Variants in MORN3 observed in about 807,000 individuals in gnomAD.
The protein encoded by MORN3 is MORN repeat-containing protein 3.
MORN3 carries 38 observed loss-of-function variants against 34.7 expected under a neutral mutation model. The observed-to-expected ratio is 1.10, with a 90% confidence interval of 0.85 to 1.44. MORN3 has a LOEUF of 1.44. MORN3 is among the 40% of genes most tolerant of loss of function. The pLI is 0.00. For missense variants in MORN3, 311 were observed against 321.7 expected (o/e 0.97, Z 0.25); for synonymous variants, 109 against 115.3 (o/e 0.95, Z 0.35).
In MORN3 at chr12:121,651,235, C is replaced by T. The variant is rs1555325036; in HGVS notation, c.*416G>A. On this transcript the variant is annotated 3_prime_UTR_variant, in exon 6 of 6. Coordinates refer to ENST00000355329, the MANE Select transcript of MORN3 (RefSeq NM_173855.5). ...CTTGGCCTCCCAAGTTCTGGGATTACAGGAATGAGCCACTGCACCCGGCCT... is the reference window on the plus strand; with the variant it reads ...CTTGGCCTCCCAAGTTCTGGGATTATAGGAATGAGCCACTGCACCCGGCCT... 1.3e-5 allele frequency: 2 copies of T among 152,102 alleles called. No homozygotes were observed. Among genetic ancestry groups the T allele is most frequent in the African/African-American group, 4.8e-5 (2 of 41,366 alleles). The allele number at this position is 152,102 out of a possible 1,614,324, so 9.4% of individuals were successfully genotyped here. A position where few individuals can be genotyped will look rare whatever the true frequency, so the allele number is the denominator to read the frequency against.
intron 2 of MORN3, among the ~76,000 whole-genome samples, chr12:121,658,482 C>T (rs1383014329): frequency 6.9e-6 from 1 of 145,592 alleles, no homozygotes; most frequent in East Asian, 2.1e-4. Flanking sequence ...AGGAGAATGG[C>T]GTGAACCCGG....
At chr12:121,654,760 G>A (rs1282958721) in intron 2 of MORN3, among the ~76,000 whole-genome samples, 1 of 151,590 alleles carries the variant, frequency 6.6e-6, no homozygotes, top group East Asian at 2.0e-4. Context: ...ACCACGCCCT[G>A]CTAATTTTTG....
In MORN3 at chr12:121,650,268, C is replaced by T. The variant is rs1893221088; in HGVS notation, c.*1383G>A. 6.6e-6 allele frequency: 1 copy of T among 152,176 alleles called. No individual in the cohort carries two copies. 9.4% of individuals were successfully genotyped at this position (152,176 alleles called of 1,614,324 possible). A position where few individuals can be genotyped will look rare whatever the true frequency, so the allele number is the denominator to read the frequency against. On this transcript the variant is annotated 3_prime_UTR_variant, in exon 6 of 6. Coordinates refer to ENST00000355329, the MANE Select transcript of MORN3 (RefSeq NM_173855.5). ...GATCTTGGCTGGGAGCAGTGGCTCA[C>T]ACCTGTAATCCCAGCACTTTGGGAG...
chr12:121,659,108 C>G lies in MORN3; in HGVS notation c.303+83G>C, dbSNP rs1330464385. The G allele has an allele frequency of 2.0e-6, 3 of 1,534,320 alleles. No individual in the cohort carries two copies. The South Asian group carries it at 3.6e-5, about 19-fold the overall frequency. ...CTCCCCTCTCTTTTCTCCCAGGCCT[C>G]TCTCGGCTTCCCCTAAACACACACG... is the stretch of plus-strand genomic sequence containing the variant. On this transcript the variant is annotated intron_variant, in intron 2 of 5. Transcript: ENST00000355329.
At chr12:121,669,833 T>TATATATA (rs199792815), upstream of MORN3, among the ~76,000 whole-genome samples, 54 of 103,660 alleles carry the variant, frequency 5.2e-4, no homozygotes, top group South Asian at 7.3e-3. Context: ...TATATATATA[T>TATATATA]TTTTTTTTTT....
intron 1 of MORN3, among the ~76,000 whole-genome samples, chr12:121,666,297 A>T (rs1893752556): frequency 6.6e-6 from 1 of 152,004 alleles, no homozygotes; most frequent in Non-Finnish European, 1.5e-5. Flanking sequence ...CTGGGATTAC[A>T]GGCGTGAGCT....
In MORN3 at chr12:121,660,298, G is replaced by A. The variant is rs372154545; in HGVS notation, c.146-950C>T. Among the ~76,000 whole-genome samples the A allele has an allele frequency of 2.0e-5, 3 of 151,260 alleles. No homozygotes were observed. The East Asian group carries it at 5.8e-4, about 29-fold the overall frequency. ...ACAAACAAACTGTTCCTGGCATGTT[G>A]TAGGTGACTAATACCTGCTAATTTA... is the stretch of plus-strand genomic sequence containing the variant. On this transcript the variant is annotated intron_variant, in intron 1 of 5. Coordinates refer to ENST00000355329, the MANE Select transcript of MORN3 (RefSeq NM_173855.5).
At chr12:121,665,278 C>CTTTTTTTTTTTTTTT (rs767525874) in intron 1 of MORN3, among the ~76,000 whole-genome samples, 4 of 50,668 alleles carry the variant, frequency 7.9e-5, no homozygotes, top group African/African-American at 1.5e-4. Context: ...TTTTTCTTTC[C>CTTTTTTTTTTTTTTT]TTTTTTTTTT....
At chr12:121,654,165 G>T in intron 3 of MORN3, 109 bp downstream of exon 3, 3 of 876,718 alleles carry the variant, frequency 3.4e-6, no homozygotes, top group Non-Finnish European at 5.1e-6. Flanking sequence ...GGTCAGTGTG[G>T]GACAAGAGTG....
At chr12:121,656,059 C>T (rs2136869805) in intron 2 of MORN3, among the ~76,000 whole-genome samples, 1 of 152,168 alleles carries the variant, frequency 6.6e-6, no homozygotes, top group South Asian at 2.1e-4. Flanking sequence ...ACTTAGTGTC[C>T]AACCACAGGG....
At position 121,654,579 on chromosome 12, in the gene MORN3, C is replaced by T. The variant is rs1222630237; in HGVS notation, c.304-146G>A. On this transcript the variant is annotated intron_variant, in intron 2 of 5. Transcript: ENST00000355329. ...GTCCAAGCGGAGGGTCGTGTCTTAG[C>T]GGAGTATCCTGTCTTTTTTGTTTGT... 7 of 846,500 alleles carry T rather than the reference C, an allele frequency of 8.3e-6. No individual in the cohort carries two copies. In the African/African-American group the frequency reaches 8.7e-5, roughly 11 times the overall value. 52.4% of individuals were successfully genotyped at this position (846,500 alleles called of 1,614,324 possible).
chr12:121,661,815 G>A (rs1027192302), intron 1 of MORN3, among the ~76,000 whole-genome samples: 3 of 151,874 alleles, frequency 2.0e-5, no homozygotes, highest in African/African-American at 7.3e-5. Context: ...GGTGGAGGTT[G>A]CAGTGAGCTG....
rs762036105 is a variant in MORN3, at chr12:121,669,445, C to G, written c.39G>C (p.Leu13=). ...GGGCCTTCCGGTCCCACCCCTTCCACAGGGACTCCGACTTTTTTGGGCACT... is the reference window on the plus strand; with the variant it reads ...GGGCCTTCCGGTCCCACCCCTTCCAGAGGGACTCCGACTTTTTTGGGCACT... ...VSKCPKKSES[L]WKGWDRKAQR... The change falls in exon 1 of 6, where the codon CTG becomes CTC. Residue 13 remains leucine (L), a synonymous_variant. Coordinates refer to ENST00000355329, the MANE Select transcript of MORN3 (RefSeq NM_173855.5). 6.2e-7 allele frequency: 1 copy of G among 1,613,970 alleles called. No individual in the cohort carries two copies. Among genetic ancestry groups the G allele is most frequent in the Non-Finnish European group, 8.5e-7 (1 of 1,179,950 alleles).
At chr12:121,672,374 G>T (rs534266713), upstream of MORN3, among the ~76,000 whole-genome samples, 1 of 152,082 alleles carries the variant, frequency 6.6e-6, no homozygotes, top group Admixed American at 6.6e-5. Context: ...GTGGGAAGAT[G>T]CCTTGATCCT....
chr12:121,668,509 C>A (rs1330317518), intron 1 of MORN3, among the ~76,000 whole-genome samples: 2 of 152,022 alleles, frequency 1.3e-5, no homozygotes, highest in Non-Finnish European at 2.9e-5. Flanking sequence ...CCATTGCACT[C>A]CAGCGTGGGC....
chr12:121,669,487 G>A lies in MORN3; in HGVS notation c.-4C>T, dbSNP rs1222697260. On this transcript the variant is annotated 5_prime_UTR_variant, in exon 1 of 6. Transcript: ENST00000355329. ...TTGGGCACTTAGAGACTGGCATGGT[G>A]GCTGCTTCTGCAAGGCTGGAGGGTG... 2.5e-6 allele frequency: 4 copies of A among 1,613,250 alleles called. No individual in the cohort carries two copies. In the African/African-American group the frequency reaches 4.0e-5, roughly 16 times the overall value.
At position 121,665,903 on chromosome 12, in the gene MORN3, C is replaced by A. The variant is rs372097137; in HGVS notation, c.145+3436G>T. On this transcript the variant is annotated intron_variant, in intron 1 of 5. Coordinates refer to ENST00000355329, the MANE Select transcript of MORN3 (RefSeq NM_173855.5). ...TCTGCAGTGCAGTGATGCTGGTTGT[C>A]GGAACACTGAAGACCCTAGGACAGT... Among the ~76,000 whole-genome samples, 28 of 151,874 alleles carry A rather than the reference C, an allele frequency of 1.8e-4. No individual in the cohort carries two copies. In the South Asian group the frequency reaches 4.4e-3, roughly 24 times the overall value.
chr12:121,671,880 CAAAA>C (rs35496122), upstream of MORN3, among the ~76,000 whole-genome samples: 2 of 132,654 alleles, frequency 1.5e-5, no homozygotes, highest in East Asian at 4.3e-4. Context: ...AACTCCGTCT[CAAAA>C]AAAAAAAAAA....
At chr12:121,669,681 T>G, upstream of MORN3, 1 of 639,914 alleles carries the variant, frequency 1.6e-6, no homozygotes, top group Non-Finnish European at 2.5e-6. Flanking sequence ...CTCCCTTGCC[T>G]CTCCTGGGGC....
Sources: gnomAD v4.1 joint callset for allele counts (sites outside exome capture counted in the v4.1 genomes callset) on GRCh38, gnomAD v4.1.1 for gene constraint, MANE v1.5 for transcripts, NCBI Gene and HGNC (gene_info 2026-07-23, HGNC 2026-07-21) for gene names.